THADA: variants seen among roughly 807,000 people sequenced by gnomAD.
The protein encoded by THADA is tRNA (32-2'-O)-methyltransferase regulator THADA.
In THADA, 213 loss-of-function variants were observed where a neutral mutation model predicts 219.8. That is an observed-to-expected ratio of 0.97 (90% CI 0.87 to 1.09). The LOEUF (loss-of-function observed/expected upper bound fraction) is 1.09. Among genes scored for constraint, THADA ranks in the 50% least tolerant of loss-of-function variants. The probability of loss-of-function intolerance (pLI) is 0.00; values close to 1 mark genes in which losing one functional copy is unlikely to be tolerated. For missense variants in THADA, 2,956 were observed against 2,311.3 expected (o/e 1.28, Z -5.72); for synonymous variants, 1,018 against 828.9 (o/e 1.23, Z -3.92).
At chr2:43,527,394 T>C (rs1693294453) in intron 22 of THADA, among the ~76,000 whole-genome samples, 1 of 152,188 alleles carries the variant, frequency 6.6e-6, no homozygotes, top group South Asian at 2.1e-4. Context: ...TCTATCTAAG[T>C]AGTTTTCCAG....
intron 29 of THADA, among the ~76,000 whole-genome samples, chr2:43,387,516 C>T (rs932284075): frequency 2.6e-5 from 4 of 151,150 alleles, no homozygotes; most frequent in Admixed American, 1.3e-4. Flanking sequence ...TGAGCCACAA[C>T]TTCTGCCCGG....
chr2:43,258,228 A>T (rs1366109461), intron 36 of THADA, among the ~76,000 whole-genome samples: 2 of 152,198 alleles, frequency 1.3e-5, no homozygotes, highest in African/African-American at 2.4e-5. Flanking sequence ...ACTAAAAAAA[A>T]ATATTATTTG....
intron 6 of THADA, 44 bp downstream of exon 6, chr2:43,586,658 A>G: frequency 6.3e-7 from 1 of 1,584,610 alleles, no homozygotes; most frequent in Non-Finnish European, 8.6e-7. Flanking sequence ...AATGACTCAT[A>G]CAAGCCATCA....
intron 30 of THADA, among the ~76,000 whole-genome samples, chr2:43,325,070 C>A (rs143820029): frequency 6.6e-6 from 1 of 152,300 alleles, no homozygotes; most frequent in East Asian, 1.9e-4. Context: ...TTTTAAATAT[C>A]CACTTAAGAA....
At chr2:43,324,962 G>T (rs1054245225) in intron 30 of THADA, among the ~76,000 whole-genome samples, 3 of 152,194 alleles carry the variant, frequency 2.0e-5, no homozygotes, top group African/African-American at 7.2e-5. Flanking sequence ...AGGAGGAGAA[G>T]GAATCCAGCA....
chr2:43,456,033 T>C (rs1023482704), intron 26 of THADA, among the ~76,000 whole-genome samples: 33 of 152,238 alleles, frequency 2.2e-4, no homozygotes, highest in African/African-American at 7.7e-4. Flanking sequence ...ACAGTGCTAT[T>C]TAACCTTTCC....
intron 23 of THADA, among the ~76,000 whole-genome samples, chr2:43,507,466 G>T (rs923340311): frequency 6.6e-6 from 1 of 152,138 alleles, no homozygotes; most frequent in Non-Finnish European, 1.5e-5. Flanking sequence ...TTAGAGGCAG[G>T]AGAATGAAAC....
chr2:43,293,326 A>G lies in THADA; in HGVS notation c.4439-113T>C, dbSNP rs370965762. 31 of 1,236,814 alleles carry G rather than the reference A, an allele frequency of 2.5e-5. No homozygotes were observed. The Middle Eastern group carries it at 6.4e-4, about 25-fold the overall frequency. 76.6% of individuals were successfully genotyped at this position (1,236,814 alleles called of 1,614,324 possible). A position where few individuals can be genotyped will look rare whatever the true frequency, so the allele number is the denominator to read the frequency against. On this transcript the variant is annotated intron_variant, in intron 31 of 37. Coordinates refer to ENST00000405975, the MANE Select transcript of THADA (RefSeq NM_022065.5). ...CGTGAGGCCATCAGATGTCTCCCATAAGCAGATTTCAAACACTGTCATAAG... is the reference window on the plus strand; with the variant it reads ...CGTGAGGCCATCAGATGTCTCCCATGAGCAGATTTCAAACACTGTCATAAG...
At chr2:43,312,055 A>G (rs1573019105) in intron 31 of THADA, among the ~76,000 whole-genome samples, 1 of 152,224 alleles carries the variant, frequency 6.6e-6, no homozygotes, top group Non-Finnish European at 1.5e-5. Flanking sequence ...ATTAAAAACA[A>G]AAACAGAAAA....
chr2:43,549,683 A>C (rs1042091871), intron 19 of THADA, among the ~76,000 whole-genome samples: 5 of 152,202 alleles, frequency 3.3e-5, no homozygotes, highest in Admixed American at 3.3e-4. Context: ...ATATGGTGCT[A>C]ATCATGTCAA....
At chr2:43,436,643 G>A (rs2104844452) in intron 26 of THADA, among the ~76,000 whole-genome samples, 1 of 152,304 alleles carries the variant, frequency 6.6e-6, no homozygotes, top group South Asian at 2.1e-4. Flanking sequence ...GGCAGAACTG[G>A]ATAGGTTGGA....
intron 36 of THADA, among the ~76,000 whole-genome samples, chr2:43,258,011 A>G (rs1572804214): frequency 2.0e-5 from 3 of 152,142 alleles, no homozygotes; most frequent in East Asian, 3.9e-4. Context: ...TGCCCTGGAC[A>G]GTGCTTATTA....
intron 22 of THADA, 88 bp downstream of exon 22, chr2:43,527,791 T>A: frequency 1.1e-6 from 1 of 933,402 alleles, no homozygotes; most frequent in African/African-American, 1.7e-5. Context: ...TCTTTTAAAC[T>A]TCAAAAGACA....
At chr2:43,581,685 ACACT>A in intron 8 of THADA, 52 bp downstream of exon 8, 1 of 1,469,066 alleles carries the variant, frequency 6.8e-7, no homozygotes, top group East Asian at 2.3e-5. Flanking sequence ...AAGCTGATTG[ACACT>A]CAATTTTAAC....
intron 18 of THADA, 96 bp from the exon 19 acceptor site, chr2:43,552,021 T>C (rs1335925348): frequency 1.3e-6 from 2 of 1,558,756 alleles, no homozygotes; most frequent in African/African-American, 2.8e-5. Flanking sequence ...GTTTCAAAAT[T>C]GTTCAATACA....
chr2:43,560,170 G>A, intron 16 of THADA, 64 bp downstream of exon 16: 7 of 1,402,722 alleles, frequency 5.0e-6, no homozygotes, highest in Non-Finnish European at 6.8e-6. Context: ...TCCTCAGATT[G>A]CTTTATCTGC....
chr2:43,505,181 T>A (rs1331521332), intron 24 of THADA, among the ~76,000 whole-genome samples: 1 of 152,224 alleles, frequency 6.6e-6, no homozygotes, highest in Non-Finnish European at 1.5e-5. Context: ...AGTGCTAGCA[T>A]ATGCACTTTC....
At chr2:43,581,346 A>G (rs1470031772) in intron 8 of THADA, among the ~76,000 whole-genome samples, 2 of 152,100 alleles carry the variant, frequency 1.3e-5, no homozygotes, top group South Asian at 2.1e-4. Context: ...CCTGGCCAAC[A>G]TGGCAAAACC....
intron 26 of THADA, among the ~76,000 whole-genome samples, chr2:43,443,933 C>T (rs1469618108): frequency 6.7e-6 from 1 of 149,776 alleles, no homozygotes; most frequent in Non-Finnish European, 1.5e-5. Flanking sequence ...TTGGCATGAT[C>T]CGTTCATTGC....
Sources: gnomAD v4.1 joint callset for allele counts (sites outside exome capture counted in the v4.1 genomes callset) on GRCh38, gnomAD v4.1.1 for gene constraint, MANE v1.5 for transcripts, NCBI Gene and HGNC (gene_info 2026-07-23, HGNC 2026-07-21) for gene names.